The following COL5A1 variants were observed in gnomAD, a reference collection of about 807,000 sequenced individuals.
The protein encoded by COL5A1 is collagen type V alpha 1 chain, also known as collagen alpha-1(V) chain.
In COL5A1, 16 loss-of-function variants were observed where a neutral mutation model predicts 263.7. That is an observed-to-expected ratio of 0.06 (90% CI 0.04 to 0.09). The LOEUF (loss-of-function observed/expected upper bound fraction) is 0.09, where lower values mean the gene tolerates loss of function less well. Ranked by LOEUF, COL5A1 falls within the 10% of genes least tolerant of loss-of-function variation. The pLI is 1.00. For missense variants in COL5A1, 2,036 were observed against 2,540.5 expected (o/e 0.80, Z 4.27); for synonymous variants, 1,012 against 1,004.5 (o/e 1.01, Z -0.14).
intron 1 of COL5A1, among the ~76,000 whole-genome samples, chr9:134,646,246 A>G (rs578240365): frequency 5.1e-4 from 78 of 152,202 alleles, no homozygotes; most frequent in African/African-American, 1.9e-3. Flanking sequence ...ACCATTGTGA[A>G]TTTTACTCAG....
At chr9:134,724,224 A>C (rs770558610) in intron 4 of COL5A1, among the ~76,000 whole-genome samples, 15 of 152,198 alleles carry the variant, frequency 9.9e-5, no homozygotes, top group Admixed American at 6.5e-5. Context: ...ATTGACCTCA[A>C]AATCTTTTGC....
At chr9:134,796,936 C>T (rs1209698916) in intron 36 of COL5A1, 35 bp downstream of exon 36, 5 of 279,654 alleles carry the variant, frequency 1.8e-5, no homozygotes, top group Non-Finnish European at 1.8e-5. Flanking sequence ...CCAGCACTGC[C>T]TGTCCCCTCC....
chr9:134,759,208 C>G (rs895931273), intron 18 of COL5A1, among the ~76,000 whole-genome samples: 2 of 147,890 alleles, frequency 1.4e-5, no homozygotes, highest in Non-Finnish European at 2.9e-5. Flanking sequence ...TGCACACCCC[C>G]CATGCACACA....
At chr9:134,753,933 G>A in intron 15 of COL5A1, 30 bp downstream of exon 15, 4 of 1,602,016 alleles carry the variant, frequency 2.5e-6, no homozygotes, top group Non-Finnish European at 3.4e-6. Context: ...TCGCTGTCTG[G>A]TGGGCGCCTC....
chr9:134,832,608 G>C (rs1351664562), intron 64 of COL5A1: 1 of 152,262 alleles, frequency 6.6e-6, no homozygotes, highest in Non-Finnish European at 1.5e-5. Flanking sequence ...GGGGGCTTCA[G>C]GTCCTTCTGT....
intron 42 of COL5A1, 132 bp downstream of exon 42, chr9:134,806,428 G>A (rs1032466753): frequency 7.4e-6 from 5 of 671,282 alleles, no homozygotes; most frequent in Non-Finnish European, 1.0e-5. Flanking sequence ...TGGGGTCTGC[G>A]GCCCTCTAGG....
chr9:134,760,033 C>A (rs1588514315), intron 18 of COL5A1, among the ~76,000 whole-genome samples: 1 of 135,748 alleles, frequency 7.4e-6, no homozygotes, highest in East Asian at 2.4e-4. Flanking sequence ...CACCCACGCA[C>A]ACACGCACAT....
chr9:134,801,875 G>C (rs1838128106), intron 37 of COL5A1, 79 bp from the exon 38 acceptor site: 1 of 1,303,558 alleles, frequency 7.7e-7, no homozygotes, highest in Non-Finnish European at 1.1e-6. Context: ...TGGGGGGCAA[G>C]CGTCCTGCTG....
chr9:134,655,350 GC>G (rs1447065477), intron 1 of COL5A1, among the ~76,000 whole-genome samples: 1 of 151,948 alleles, frequency 6.6e-6, no homozygotes, highest in Non-Finnish European at 1.5e-5. Context: ...GAAGCACAGA[GC>G]CCCGGGAGGC....
intron 63 of COL5A1, among the ~76,000 whole-genome samples, chr9:134,829,550 G>A (rs1424973583): frequency 1.2e-4 from 17 of 137,870 alleles, no homozygotes; most frequent in Admixed American, 2.9e-4. Flanking sequence ...CGCAGCCTCC[G>A]GTCTCCCCGA....
At position 134,832,311 on chromosome 9, in the gene COL5A1, C is replaced by T. The variant is rs1454916720; in HGVS notation, c.5136+2267C>T. ...ATTCCAGCTACTCGGGAGGCTGAGG[C>T]AGGAGAATCTCTTGAACCCAGGAGG... is the stretch of plus-strand genomic sequence containing the variant. On this transcript the variant is annotated intron_variant, in intron 64 of 65. Transcript: ENST00000371817. 5.3e-5 allele frequency among the ~76,000 whole-genome samples: 8 copies of T among 152,132 alleles called. 1 individual carries two copies. The highest frequency in any genetic ancestry group is 1.2e-4 in the African/African-American group (5 of 41,420).
chr9:134,744,767 TCA>T (rs1450667269), intron 11 of COL5A1, among the ~76,000 whole-genome samples: 1 of 146,348 alleles, frequency 6.8e-6, no homozygotes, highest in Non-Finnish European at 1.5e-5. Flanking sequence ...ATGCACATGC[TCA>T]CTCATACATG....
chr9:134,823,666 C>T (rs553584950), intron 61 of COL5A1, among the ~76,000 whole-genome samples, 197 bp downstream of exon 61: 1 of 152,166 alleles, frequency 6.6e-6, no homozygotes, highest in Non-Finnish European at 1.5e-5. Context: ...GCCAATTGGC[C>T]CTGAGAAGAA....
At chr9:134,745,445 C>A (rs1240357818) in intron 11 of COL5A1, among the ~76,000 whole-genome samples, 1 of 152,186 alleles carries the variant, frequency 6.6e-6, no homozygotes, top group South Asian at 2.1e-4. Flanking sequence ...AGGAGTCTTT[C>A]TCACGTGGGC....
Position 134,647,474 on chromosome 9 carries a change from T to C in COL5A1, c.109+5178T>C, listed in dbSNP as rs1831512572. The stretch of plus-strand genomic sequence containing the variant: ...ACACATGTGTTTGTGGGTATACATG[T>C]GTGTTTGAGTGTGCACGCATGCGCA... On this transcript the variant is annotated intron_variant, in intron 1 of 65. Transcript: ENST00000371817. The surrounding 1 kb of genome is among the most constrained non-coding windows in gnomAD (Gnocchi z 5.0). Among the ~76,000 whole-genome samples the C allele has an allele frequency of 6.6e-6, 1 of 152,126 alleles. No individual in the cohort carries two copies.
chr9:134,815,626 C>A lies in COL5A1; in HGVS notation c.4065C>A (p.Pro1355=). Residue 1355 remains proline, a synonymous_variant, in exon 51 of 66, where the codon CCC becomes CCA. Coordinates refer to ENST00000371817, the MANE Select transcript of COL5A1 (RefSeq NM_000093.5). The stretch of plus-strand genomic sequence containing the variant: ...CTGGCCCCCCCGGAGAGCCTGGCCC[C>A]GCGGTAGGTGCTCAAGAGGGCAAAG... The part of the protein sequence containing the change: ...GDPGPPGEPG[P]AGQDGPPGDK... 1 of 1,613,606 alleles carries A rather than the reference C, an allele frequency of 6.2e-7. No individual in the cohort carries two copies. The highest frequency in any genetic ancestry group is 8.5e-7 in the Non-Finnish European group (1 of 1,179,904).
intron 65 of COL5A1, among the ~76,000 whole-genome samples, chr9:134,839,335 G>C (rs184467956): frequency 4.6e-5 from 7 of 152,290 alleles, no homozygotes; most frequent in African/African-American, 1.4e-4. Flanking sequence ...AGAGCGGCTC[G>C]CAGCGGCCTA....
chr9:134,654,408 T>G, intron 1 of COL5A1, among the ~76,000 whole-genome samples: 1 of 71,850 alleles, frequency 1.4e-5, no homozygotes, highest in Non-Finnish European at 2.7e-5. Flanking sequence ...AGGGCTGGTG[T>G]GTGTAGGGCT....
intron 1 of COL5A1, among the ~76,000 whole-genome samples, chr9:134,671,026 C>A (rs752873754): frequency 6.6e-6 from 1 of 152,178 alleles, no homozygotes; most frequent in Non-Finnish European, 1.5e-5. Flanking sequence ...GACGTGAAGT[C>A]GGGGCCTGCT....
Sources: allele counts gnomAD v4.1 joint callset (sites outside exome capture counted in the v4.1 genomes callset), GRCh38; gene constraint gnomAD v4.1.1; non-coding constraint Gnocchi (gnomAD v3.1); transcripts MANE v1.5; gene names NCBI Gene and HGNC (gene_info 2026-07-23, HGNC 2026-07-21).